Variants in GTF2IRD1 observed in about 807,000 individuals in gnomAD.
GTF2IRD1 encodes the protein GTF2I repeat domain containing 1, also known as general transcription factor II-I repeat domain-containing protein 1.
A neutral mutation model predicts 113.2 loss-of-function variants in GTF2IRD1; 26 were observed. The ratio of observed to expected loss-of-function variants is 0.23; its 90% CI spans 0.17 to 0.32. The LOEUF is 0.32. Among genes scored for constraint, GTF2IRD1 ranks in the 10% least tolerant of loss-of-function variants. GTF2IRD1 has a pLI of 1.00. For synonymous variants in GTF2IRD1, 484 were observed against 529.1 expected (o/e 0.91, Z 1.17); for missense variants, 864 against 1,280.8 (o/e 0.67, Z 4.97).
intron 22 of GTF2IRD1, among the ~76,000 whole-genome samples, chr7:74,574,901 T>C (rs1003488322): frequency 3.3e-5 from 5 of 151,596 alleles, no homozygotes; most frequent in Admixed American, 6.6e-5. Context: ...CCAGCCTGGC[T>C]AACATGGTGA....
intron 14 of GTF2IRD1, among the ~76,000 whole-genome samples, chr7:74,542,071 G>A (rs1205470032): frequency 6.6e-6 from 1 of 151,810 alleles, no homozygotes; most frequent in Non-Finnish European, 1.5e-5. Flanking sequence ...ACTCCAGTCT[G>A]GGTGCCACAG....
rs1248707300 is a variant in GTF2IRD1, at chr7:74,571,179, G to A, written c.2320+11524G>A. On this transcript the variant is annotated intron_variant, in intron 22 of 26. Coordinates refer to ENST00000424337, the MANE Select transcript of GTF2IRD1 (RefSeq NM_005685.4). The stretch of plus-strand genomic sequence containing the variant: ...CCAACTTCCTGTGTGACTCCAGCAA[G>A]TCAGGCTTGCCTACCTGGGCCTCAG... The A allele has an allele frequency of 1.6e-5, 15 of 932,702 alleles. No homozygotes were observed. The Admixed American group carries it at 9.2e-4, about 58-fold the overall frequency. 57.8% of individuals were successfully genotyped at this position (932,702 alleles called of 1,614,324 possible).
chr7:74,542,515 C>T (rs1798690072), intron 14 of GTF2IRD1, among the ~76,000 whole-genome samples: 1 of 152,202 alleles, frequency 6.6e-6, no homozygotes, highest in Non-Finnish European at 1.5e-5. Context: ...TCACTGGGGA[C>T]AAACAAGGGT....
At chr7:74,463,447 C>T (rs942761330) in intron 1 of GTF2IRD1, among the ~76,000 whole-genome samples, 3 of 152,156 alleles carry the variant, frequency 2.0e-5, no homozygotes, top group Admixed American at 6.5e-5. Context: ...GTCGCCCAGG[C>T]TGGTCTTGAA....
chr7:74,558,196 T>G (rs1554357779), intron 20 of GTF2IRD1, among the ~76,000 whole-genome samples: 1 of 151,094 alleles, frequency 6.6e-6, no homozygotes, highest in African/African-American at 2.4e-5. Context: ...GGAGAATCGC[T>G]TGAGCCTGCG....
intron 1 of GTF2IRD1, among the ~76,000 whole-genome samples, chr7:74,474,344 G>T (rs556654529): frequency 1.3e-5 from 2 of 152,242 alleles, no homozygotes; most frequent in African/African-American, 2.4e-5. Flanking sequence ...AGCCCCCCTG[G>T]TGGGGAAACC....
At chr7:74,471,496 G>A (rs968344994) in intron 1 of GTF2IRD1, among the ~76,000 whole-genome samples, 5 of 151,810 alleles carry the variant, frequency 3.3e-5, no homozygotes, top group South Asian at 4.1e-4. Context: ...GTGACAGAGC[G>A]AGACCCCATC....
At chr7:74,467,215 C>G (rs1298853859) in intron 1 of GTF2IRD1, among the ~76,000 whole-genome samples, 1 of 152,118 alleles carries the variant, frequency 6.6e-6, no homozygotes, top group Non-Finnish European at 1.5e-5. Context: ...TCCCAAAATG[C>G]TGGGATTACA....
chr7:74,520,842 CTAT>C (rs200488760), intron 6 of GTF2IRD1, among the ~76,000 whole-genome samples: 12,793 of 128,922 alleles, frequency 0.099, 768 homozygotes, highest in African/African-American at 0.18. Flanking sequence ...GTTATATATA[CTAT>C]TATTATTATT....
intron 1 of GTF2IRD1, among the ~76,000 whole-genome samples, chr7:74,504,210 C>T (rs1402846825): frequency 6.6e-6 from 1 of 151,866 alleles, no homozygotes; most frequent in Non-Finnish European, 1.5e-5. Context: ...AATACTGCTG[C>T]TCTGAACAGA....
chr7:74,482,207 C>T (rs1794780164), intron 1 of GTF2IRD1, among the ~76,000 whole-genome samples: 1 of 150,566 alleles, frequency 6.6e-6, no homozygotes, highest in Non-Finnish European at 1.5e-5. Context: ...GTCCCAATAC[C>T]TGATGTCTCC....
At chr7:74,500,955 T>G (rs1387572627) in intron 1 of GTF2IRD1, among the ~76,000 whole-genome samples, 1 of 152,060 alleles carries the variant, frequency 6.6e-6, no homozygotes, top group Non-Finnish European at 1.5e-5. Context: ...TCCTGCTTCT[T>G]TATGTATGTA....
intron 24 of GTF2IRD1, 41 bp downstream of exon 24, chr7:74,591,058 G>A (rs1802030055): frequency 6.8e-7 from 1 of 1,461,972 alleles, no homozygotes; most frequent in Non-Finnish European, 9.5e-7. Context: ...GAGAGGGCGA[G>A]GCCATGGGGA....
At chr7:74,492,774 G>A (rs549969426) in intron 1 of GTF2IRD1, among the ~76,000 whole-genome samples, 51 of 151,930 alleles carry the variant, frequency 3.4e-4, no homozygotes, top group Non-Finnish European at 6.0e-4. Context: ...AGGCTCTCGG[G>A]GGGAATCTGT....
At chr7:74,458,241 C>T (rs1554327963) in intron 1 of GTF2IRD1, among the ~76,000 whole-genome samples, 1 of 151,948 alleles carries the variant, frequency 6.6e-6, no homozygotes, top group African/African-American at 2.4e-5. Flanking sequence ...CTTAGTGTGA[C>T]TGGAAGGGAA....
At chr7:74,508,380 G>A (rs530300910) in intron 2 of GTF2IRD1, among the ~76,000 whole-genome samples, 177 bp downstream of exon 2, 5 of 152,250 alleles carry the variant, frequency 3.3e-5, no homozygotes, top group South Asian at 4.1e-4. Flanking sequence ...AGACTTCAGC[G>A]AGATCCAGTA....
intron 1 of GTF2IRD1, among the ~76,000 whole-genome samples, chr7:74,480,526 C>G (rs184515865): frequency 6.6e-6 from 1 of 152,208 alleles, no homozygotes; most frequent in African/African-American, 2.4e-5. Context: ...AAGGCCACAA[C>G]GCCAGTTGCC....
intron 13 of GTF2IRD1, 99 bp from the exon 14 acceptor site, chr7:74,539,780 C>G (rs1798524070): frequency 2.6e-6 from 2 of 773,568 alleles, no homozygotes; most frequent in Non-Finnish European, 4.4e-6. Context: ...AGAAAAGGAC[C>G]CTTGTCTGTG....
At chr7:74,545,377 C>T (rs1401976203) in intron 15 of GTF2IRD1, among the ~76,000 whole-genome samples, 6 of 151,996 alleles carry the variant, frequency 3.9e-5, no homozygotes, top group Admixed American at 2.6e-4. Flanking sequence ...AACACAGTTC[C>T]GCTGCCACCT....
Sources: allele counts gnomAD v4.1 joint callset (sites outside exome capture counted in the v4.1 genomes callset), GRCh38; gene constraint gnomAD v4.1.1; transcripts MANE v1.5; gene names NCBI Gene and HGNC (gene_info 2026-07-23, HGNC 2026-07-21).